Variants in KCNQ3 observed in about 807,000 individuals in gnomAD.
KCNQ3 encodes the protein potassium voltage-gated channel subfamily KQT member 3.
KCNQ3 carries 30 observed loss-of-function variants against 92.5 expected under a neutral mutation model. That is an observed-to-expected ratio of 0.32 (90% CI 0.24 to 0.44). The LOEUF (loss-of-function observed/expected upper bound fraction) is 0.44. Ranked by LOEUF, KCNQ3 falls within the 20% of genes least tolerant of loss-of-function variation. The pLI is 1.00. For synonymous variants in KCNQ3, 450 were observed against 468.8 expected (o/e 0.96, Z 0.52); for missense variants, 913 against 1,140.3 (o/e 0.80, Z 2.87).
At chr8:132,221,902 T>C (rs558877663) in intron 1 of KCNQ3, among the ~76,000 whole-genome samples, 78 of 152,286 alleles carry the variant, frequency 5.1e-4, no homozygotes, top group African/African-American at 1.8e-3. Flanking sequence ...TTACACCGTA[T>C]ACAAAAATTA....
intron 8 of KCNQ3, among the ~76,000 whole-genome samples, chr8:132,166,049 T>C (rs1324460887): frequency 6.6e-6 from 1 of 152,220 alleles, no homozygotes; most frequent in Admixed American, 6.5e-5. Flanking sequence ...CACAATGAAC[T>C]ACCTGTTCTT....
intron 1 of KCNQ3, among the ~76,000 whole-genome samples, chr8:132,273,845 C>A: frequency 6.6e-6 from 1 of 152,162 alleles, no homozygotes; most frequent in African/African-American, 2.4e-5. Context: ...TAAAACATAA[C>A]AAAAATCACC....
intron 1 of KCNQ3, among the ~76,000 whole-genome samples, chr8:132,274,350 A>G (rs1049469093): frequency 3.3e-5 from 5 of 152,184 alleles, no homozygotes; most frequent in African/African-American, 1.2e-4. Context: ...ACTATCACAG[A>G]GCAGCACAAG....
At chr8:132,139,337 C>T (rs1409330076) in intron 11 of KCNQ3, among the ~76,000 whole-genome samples, 10 of 152,236 alleles carry the variant, frequency 6.6e-5, no homozygotes, top group Non-Finnish European at 1.5e-4. Flanking sequence ...CATACAACCA[C>T]ATTTCTGTCA....
chr8:132,455,231 C>T (rs537877618), intron 1 of KCNQ3, among the ~76,000 whole-genome samples: 4 of 152,018 alleles, frequency 2.6e-5, no homozygotes, highest in African/African-American at 9.7e-5. Context: ...CTCAGCCTCC[C>T]GAGTAGATGG....
At chr8:132,141,027 G>C in intron 10 of KCNQ3, 102 bp downstream of exon 10, 1 of 1,038,234 alleles carries the variant, frequency 9.6e-7, no homozygotes. Context: ...TTACCTTGTG[G>C]AGTCAAAGGT....
At chr8:132,187,869 G>GGTGGTA (rs1563795874) in intron 1 of KCNQ3, among the ~76,000 whole-genome samples, 3 of 104,792 alleles carry the variant, frequency 2.9e-5, no homozygotes, top group African/African-American at 1.5e-4. Flanking sequence ...TGGTGGTGGT[G>GGTGGTA]GTGATAGTGA....
intron 1 of KCNQ3, among the ~76,000 whole-genome samples, chr8:132,297,212 T>A (rs1448218225): frequency 6.6e-6 from 1 of 152,244 alleles, no homozygotes; most frequent in Non-Finnish European, 1.5e-5. Flanking sequence ...TCTGTTCATA[T>A]CCTTCACCCA....
chr8:132,351,601 G>A (rs1168254621), intron 1 of KCNQ3, among the ~76,000 whole-genome samples: 1 of 152,180 alleles, frequency 6.6e-6, no homozygotes, highest in African/African-American at 2.4e-5. Flanking sequence ...CCCTCCCAGT[G>A]GATGACCATG....
At chr8:132,155,474 T>A (rs6415550) in intron 9 of KCNQ3, among the ~76,000 whole-genome samples, 77,695 of 151,946 alleles carry the variant, frequency 0.51, 20,123 homozygotes, top group African/African-American at 0.56. Context: ...AAAGCAAACC[T>A]TTAAATAATA....
chr8:132,190,260 A>G (rs1827119678), intron 1 of KCNQ3, among the ~76,000 whole-genome samples: 1 of 152,200 alleles, frequency 6.6e-6, no homozygotes, highest in African/African-American at 2.4e-5. Context: ...CCAATGAGTC[A>G]GGCAGTTGCA....
chr8:132,437,915 G>A (rs1452544874), intron 1 of KCNQ3, among the ~76,000 whole-genome samples: 3 of 152,202 alleles, frequency 2.0e-5, no homozygotes, highest in Non-Finnish European at 4.4e-5. Flanking sequence ...CAGGAAAAAT[G>A]ATTTAATCCA....
At chr8:132,155,981 G>C (rs987601882) in intron 9 of KCNQ3, among the ~76,000 whole-genome samples, 56 of 152,210 alleles carry the variant, frequency 3.7e-4, no homozygotes, top group African/African-American at 1.3e-3. Flanking sequence ...TGCTGAACTC[G>C]AAGGCCTGTT....
intron 1 of KCNQ3, among the ~76,000 whole-genome samples, chr8:132,270,299 T>C (rs76321601): frequency 0.01 from 1,554 of 152,332 alleles, 14 homozygotes; most frequent in Non-Finnish European, 0.015. Context: ...TTAAGAATTC[T>C]CCAGTTTCCA....
Position 132,123,768 on chromosome 8 carries a change from C to T in KCNQ3, c.*5494G>A, listed in dbSNP as rs1342406384. The T allele has an allele frequency of 6.6e-6, 1 of 152,176 alleles. No individual in the cohort carries two copies. The highest frequency in any genetic ancestry group is 2.4e-5 in the African/African-American group (1 of 41,426). 9.4% of individuals were successfully genotyped at this position (152,176 alleles called of 1,614,324 possible). A position where few individuals can be genotyped will look rare whatever the true frequency, so the allele number is the denominator to read the frequency against. On this transcript the variant is annotated 3_prime_UTR_variant, in exon 15 of 15. Coordinates refer to ENST00000388996, the MANE Select transcript of KCNQ3 (RefSeq NM_004519.4). ...TCTGGGTGATCAAAATCTCTTCTTG[C>T]TCTGTGTATCTTAGAATCCATGAAA...
chr8:132,432,805 A>C (rs1821287595), intron 1 of KCNQ3, among the ~76,000 whole-genome samples: 1 of 152,246 alleles, frequency 6.6e-6, no homozygotes, highest in Non-Finnish European at 1.5e-5. Context: ...CACCAGAATA[A>C]AAGCTTCACG....
intron 1 of KCNQ3, among the ~76,000 whole-genome samples, chr8:132,252,724 C>T (rs138348935): frequency 6.3e-4 from 96 of 152,232 alleles, no homozygotes; most frequent in African/African-American, 2.2e-3. Context: ...TGCATTTTTA[C>T]GGAGTGCTGA....
chr8:132,211,572 C>T (rs543871418), intron 1 of KCNQ3, among the ~76,000 whole-genome samples: 7 of 152,290 alleles, frequency 4.6e-5, no homozygotes, highest in African/African-American at 1.7e-4. Context: ...GCCTGGTTCC[C>T]TCACTGACTG....
At chr8:132,458,186 A>G (rs1461477543) in intron 1 of KCNQ3, among the ~76,000 whole-genome samples, 2 of 152,172 alleles carry the variant, frequency 1.3e-5, no homozygotes, top group Admixed American at 1.3e-4. Flanking sequence ...GTACATGGTG[A>G]GTCAGGAGTA....
Sources: gnomAD v4.1 joint callset for allele counts (sites outside exome capture counted in the v4.1 genomes callset) on GRCh38, gnomAD v4.1.1 for gene constraint, MANE v1.5 for transcripts, NCBI Gene and HGNC (gene_info 2026-07-23, HGNC 2026-07-21) for gene names.